Variants in DCT observed in about 807,000 individuals in gnomAD.
The protein encoded by DCT is L-dopachrome tautomerase.
A neutral mutation model predicts 53.0 loss-of-function variants in DCT; 47 were observed. The ratio of observed to expected loss-of-function variants is 0.89; its 90% confidence interval spans 0.70 to 1.13. The LOEUF is 1.13. Ranked by LOEUF, DCT falls within the 50% of genes most tolerant of loss-of-function variation. The probability of loss-of-function intolerance (pLI) is 0.00; values close to 1 mark genes in which losing one functional copy is unlikely to be tolerated. For missense variants in DCT, 669 were observed against 637.4 expected, an observed-to-expected ratio of 1.05 and a Z score of -0.53; for synonymous variants, 244 against 237.0, an observed-to-expected ratio of 1.03 and a Z score of -0.27.
Position 94,462,052 on chromosome 13 carries a change from AACTTCTGGAGAG to A in DCT, c.989_1000del (p.Ser330_Lys333del). The stretch of plus-strand genomic sequence containing the variant: ...GTTCTGGAAGAAGGGAGGATTGTCA[AACTTCTGGAGAG>A]ACAGGCAATCTCGTATGTCTTTTAA... On this transcript the variant is annotated inframe_deletion, in exon 5 of 8. Coordinates refer to ENST00000377028, the MANE Select transcript of DCT (RefSeq NM_001922.5). The A allele has an allele frequency of 6.2e-7, 1 of 1,613,342 alleles. No homozygotes were observed. The highest frequency in any genetic ancestry group is 8.5e-7 in the Non-Finnish European group (1 of 1,179,882).
At position 94,438,666 on chromosome 13, in the gene DCT, C is replaced by A; in HGVS notation, c.*1232G>T. The A allele has an allele frequency of 6.6e-6, 3 of 455,976 alleles. No individual in the cohort carries two copies. Among genetic ancestry groups the A allele is most frequent in the South Asian group, 1.5e-5 (1 of 64,532 alleles). The allele number at this position is 455,976 out of a possible 1,614,324, so 28.2% of individuals were successfully genotyped here. A position where few individuals can be genotyped will look rare whatever the true frequency, so the allele number is the denominator to read the frequency against. The stretch of plus-strand genomic sequence containing the variant: ...TGGAAATCTCAAGAGCCATTAACTT[C>A]TCTGAAGTGGGGTCCATCATGATAA... On this transcript the variant is annotated 3_prime_UTR_variant, in exon 8 of 8. Transcript: ENST00000377028.
At chr13:94,522,047 C>T in the DCT span, among the ~76,000 whole-genome samples, 2 of 152,230 alleles carry the variant, frequency 1.3e-5, no homozygotes, top group South Asian at 4.2e-4. Context: ...CAAGGTTCAC[C>T]CATGTTGTAG....
the DCT span, among the ~76,000 whole-genome samples, chr13:94,530,373 C>T: frequency 4.6e-5 from 7 of 152,154 alleles, no homozygotes; most frequent in African/African-American, 1.2e-4. Flanking sequence ...TGAGGAACAT[C>T]GATGCAGAAA....
intron 5 of DCT, 124 bp from the exon 6 acceptor site, chr13:94,460,350 A>T: frequency 1.2e-6 from 1 of 846,462 alleles, no homozygotes; most frequent in Non-Finnish European, 1.8e-6. Flanking sequence ...AAGCTCTGTC[A>T]TAGCAAATTG....
the DCT span, among the ~76,000 whole-genome samples, chr13:94,513,714 C>T: frequency 3.3e-5 from 5 of 151,938 alleles, no homozygotes; most frequent in East Asian, 1.9e-4. Context: ...CCGCTGGGCA[C>T]GGTGGGTCAC....
intron 6 of DCT, chr13:94,445,822 C>A: frequency 8.1e-7 from 1 of 1,233,922 alleles, no homozygotes; most frequent in Non-Finnish European, 1.2e-6. Context: ...TCAGTGTGAG[C>A]TGAATTGGGA....
At chr13:94,445,911 C>A (rs1882693375) in intron 6 of DCT, 2 of 616,902 alleles carry the variant, frequency 3.2e-6, no homozygotes, top group Admixed American at 2.8e-5. Flanking sequence ...ATGGGAAGAG[C>A]CCCATTCTTC....
At chr13:94,447,584 T>A (rs1026275579) in intron 6 of DCT, among the ~76,000 whole-genome samples, 10 of 152,212 alleles carry the variant, frequency 6.6e-5, no homozygotes, top group African/African-American at 2.4e-4. Context: ...CAGGACCAAC[T>A]AGAATAAGAA....
Position 94,477,672 on chromosome 13 carries a change from T to C in DCT, c.295+1289A>G, listed in dbSNP as rs182429235. On this transcript the variant is annotated intron_variant, in intron 1 of 7. Coordinates refer to ENST00000377028, the MANE Select transcript of DCT (RefSeq NM_001922.5). The stretch of plus-strand genomic sequence containing the variant: ...TGAAAGTTAAAATTAAAAAAAAAAA[T>C]CGAATGTCATTCCTACACCAACATC... 7.0e-5 allele frequency among the ~76,000 whole-genome samples: 9 copies of C among 129,464 alleles called. No homozygotes were observed. In the East Asian group the frequency reaches 1.4e-3, roughly 20 times the overall value. The allele number at this position is 129,464 out of a possible 152,430, so 84.9% of individuals were successfully genotyped here.
At chr13:94,545,622 T>C in the DCT span, among the ~76,000 whole-genome samples, 460 of 152,182 alleles carry the variant, frequency 3.0e-3, no homozygotes, top group Non-Finnish European at 4.9e-3. Context: ...CTGTCCCTTG[T>C]GTCTGCTGTA....
At chr13:94,441,636 T>C (rs916406011) in intron 7 of DCT, among the ~76,000 whole-genome samples, 1 of 152,212 alleles carries the variant, frequency 6.6e-6, no homozygotes, top group African/African-American at 2.4e-5. Flanking sequence ...CTTAGCTTAG[T>C]GTCCTCAAAG....
chr13:94,442,045 G>A (rs1193624782), intron 7 of DCT, among the ~76,000 whole-genome samples: 1 of 152,052 alleles, frequency 6.6e-6, no homozygotes, highest in African/African-American at 2.4e-5. Flanking sequence ...TCATCCCAAT[G>A]GGTATGAGGT....
At chr13:94,490,126 T>C in the DCT span, among the ~76,000 whole-genome samples, 6 of 152,128 alleles carry the variant, frequency 3.9e-5, no homozygotes, top group African/African-American at 1.4e-4. Context: ...TCATTAAAAA[T>C]AAGGAAAAAT....
intron 6 of DCT, among the ~76,000 whole-genome samples, chr13:94,452,359 G>A (rs918746824): frequency 1.3e-5 from 2 of 152,128 alleles, no homozygotes; most frequent in African/African-American, 4.8e-5. Flanking sequence ...GAAGAGAAAT[G>A]CAAATTAAAA....
intron 7 of DCT, among the ~76,000 whole-genome samples, chr13:94,442,169 G>C (rs1221060043): frequency 1.3e-5 from 2 of 152,142 alleles, no homozygotes; most frequent in Non-Finnish European, 2.9e-5. Flanking sequence ...CTACAGCCAG[G>C]CTTGAAAGAC....
At chr13:94,535,974 A>G in the DCT span, among the ~76,000 whole-genome samples, 1 of 152,212 alleles carries the variant, frequency 6.6e-6, no homozygotes. Flanking sequence ...GCTCCTCATC[A>G]GCATCTTAAA....
At chr13:94,536,037 G>A in the DCT span, among the ~76,000 whole-genome samples, 1 of 152,300 alleles carries the variant, frequency 6.6e-6, no homozygotes, top group East Asian at 1.9e-4. Flanking sequence ...AAGTTTGCTA[G>A]TGCTTCCAAA....
the DCT span, among the ~76,000 whole-genome samples, chr13:94,519,803 C>T: frequency 1.3e-5 from 2 of 152,118 alleles, no homozygotes; most frequent in Admixed American, 6.5e-5. Flanking sequence ...ATGCAATAGC[C>T]TAAAATTCAG....
intron 4 of DCT, among the ~76,000 whole-genome samples, chr13:94,465,246 G>A (rs914221722): frequency 6.6e-6 from 1 of 152,146 alleles, no homozygotes; most frequent in African/African-American, 2.4e-5. Flanking sequence ...CACATCACAT[G>A]GGATATGATT....
Sources: gnomAD v4.1 joint callset for allele counts (sites outside exome capture counted in the v4.1 genomes callset) on GRCh38, gnomAD v4.1.1 for gene constraint, MANE v1.5 for transcripts, NCBI Gene and HGNC (gene_info 2026-07-23, HGNC 2026-07-21) for gene names.